Variants in MKNK1 observed in about 807,000 individuals in gnomAD.
MKNK1 encodes the protein MAPK interacting serine/threonine kinase 1, also known as MAP kinase-interacting serine/threonine-protein kinase 1.
In MKNK1, 30 loss-of-function variants were observed where a neutral mutation model predicts 49.3. The ratio of observed to expected loss-of-function variants is 0.61; its 90% CI spans 0.46 to 0.83. The LOEUF (loss-of-function observed/expected upper bound fraction) is 0.83, where lower values mean the gene tolerates loss of function less well. Ranked by LOEUF, MKNK1 falls within the 40% of genes least tolerant of loss-of-function variation. MKNK1 has a pLI of 0.00. For missense variants in MKNK1, 423 were observed against 524.7 expected, an observed-to-expected ratio of 0.81 and a Z score of 1.89; for synonymous variants, 176 against 201.7, an observed-to-expected ratio of 0.87 and a Z score of 1.08.
chr1:46,574,670 G>T, intron 6 of MKNK1: 1 of 358,422 alleles, frequency 2.8e-6, no homozygotes, highest in Non-Finnish European at 5.1e-6. Flanking sequence ...ATGTCAAAAC[G>T]GGATTGATAA....
Position 46,583,239 on chromosome 1 carries a change from C to T in MKNK1, c.89G>A (p.Gly30Glu). 1 of 1,613,890 alleles carries T rather than the reference C, an allele frequency of 6.2e-7. No homozygotes were observed. ...RRGRATDSLP[G>E]KFEDMYKLTS... ...GTTGTGTGACCAACCTTCAAACTTTCCTGGCAAGGAGTCAGTGGCCCGGCC... is the reference window on the plus strand; with the variant it reads ...GTTGTGTGACCAACCTTCAAACTTTTCTGGCAAGGAGTCAGTGGCCCGGCC... Residue 30 changes from glycine to glutamate, a missense_variant, in exon 3 of 13, where the codon GGA (glycine) becomes GAA (glutamate). Coordinates refer to ENST00000371945, the MANE Select transcript of MKNK1 (RefSeq NM_001135553.4).
chr1:46,602,637 G>T (rs185798809), intron 1 of MKNK1, among the ~76,000 whole-genome samples: 560 of 151,438 alleles, frequency 3.7e-3, no homozygotes, highest in Middle Eastern at 6.8e-3. Context: ...AAAACACTGA[G>T]ATTTTTTTGC....
chr1:46,571,014 A>G (rs1225159870), intron 7 of MKNK1, among the ~76,000 whole-genome samples: 1 of 152,248 alleles, frequency 6.6e-6, no homozygotes, highest in Non-Finnish European at 1.5e-5. Flanking sequence ...GAAAAGTGAA[A>G]CCAGAATTCA....
chr1:46,600,015 A>G (rs1674537162), intron 1 of MKNK1, among the ~76,000 whole-genome samples: 1 of 152,000 alleles, frequency 6.6e-6, no homozygotes, highest in East Asian at 1.9e-4. Flanking sequence ...ACACACCCCT[A>G]CACCTGAGCA....
At chr1:46,577,307 C>T (rs1487891865) in intron 4 of MKNK1, among the ~76,000 whole-genome samples, 7 of 151,980 alleles carry the variant, frequency 4.6e-5, no homozygotes, top group Non-Finnish European at 8.8e-5. Flanking sequence ...GGTGAAACCC[C>T]GTCTCTACTG....
chr1:46,558,758 G>T lies in MKNK1; in HGVS notation c.1056C>A (p.Ala352=). Reference sequence around the variant, plus strand: ...GAGATAGCTGGCGGTTAAGGGCGATGGCCTCAGCTGCGAAGAGCGTCAGGT... The same window carrying T: ...GAGATAGCTGGCGGTTAAGGGCGATTGCCTCAGCTGCGAAGAGCGTCAGGT... The part of the protein sequence containing the change: ...TMDLTLFAAE[A]IALNRQLSQH... The change falls in exon 13 of 13, where the codon GCC becomes GCA. Residue 352 remains alanine (A), a synonymous_variant. Coordinates refer to ENST00000371945, the MANE Select transcript of MKNK1 (RefSeq NM_001135553.4). 1 of 1,614,204 alleles carries T rather than the reference G, an allele frequency of 6.2e-7. No individual in the cohort carries two copies. Among genetic ancestry groups the T allele is most frequent in the East Asian group, 2.2e-5 (1 of 44,888 alleles).
chr1:46,562,571 G>C (rs1668211744), intron 10 of MKNK1, 78 bp downstream of exon 10: 2 of 1,463,316 alleles, frequency 1.4e-6, no homozygotes, highest in Non-Finnish European at 1.8e-6. Context: ...CGCTCTCCCA[G>C]CCCAGTCCTG....
chr1:46,585,785 A>T, intron 2 of MKNK1: 1 of 654,686 alleles, frequency 1.5e-6, no homozygotes, highest in Non-Finnish European at 2.7e-6. Context: ...GGGCTGAGGG[A>T]GCCGCTTGCA....
At chr1:46,584,277 T>C (rs1232026567) in intron 2 of MKNK1, among the ~76,000 whole-genome samples, 2 of 152,202 alleles carry the variant, frequency 1.3e-5, no homozygotes, top group African/African-American at 2.4e-5. Context: ...TTATAGAACA[T>C]GTCATGCCCC....
intron 1 of MKNK1, 30 bp downstream of exon 1, chr1:46,604,155 G>A (rs1377917279): frequency 1.3e-5 from 2 of 152,258 alleles, no homozygotes; most frequent in Non-Finnish European, 1.5e-5. Flanking sequence ...CATTTAGCTC[G>A]GAGGAATACC....
chr1:46,564,243 T>G (rs1668597124), intron 9 of MKNK1, among the ~76,000 whole-genome samples: 1 of 151,726 alleles, frequency 6.6e-6, no homozygotes, highest in African/African-American at 2.4e-5. Context: ...CCCATGTGCA[T>G]ATAGCCTGAG....
chr1:46,580,270 C>G (rs1443078040), intron 4 of MKNK1, among the ~76,000 whole-genome samples: 1 of 152,168 alleles, frequency 6.6e-6, no homozygotes, highest in Non-Finnish European at 1.5e-5. Context: ...AAGCACTTTA[C>G]CTATATTAAC....
chr1:46,575,036 T>C lies in MKNK1; in HGVS notation c.279-16A>G, dbSNP rs1043932401. The C allele has an allele frequency of 6.4e-7, 1 of 1,559,820 alleles. No individual in the cohort carries two copies. The highest frequency in any genetic ancestry group is 8.8e-7 in the Non-Finnish European group (1 of 1,133,668). ...CAAAATGTTCCTTAAATAGGGAAAA[T>C]AGGAGGAGAGGGAAAAGGGGGGAAA... On this transcript the variant is annotated splice_polypyrimidine_tract_variant and intron_variant, in intron 5 of 12. Transcript: ENST00000371945.
At chr1:46,597,451 T>C (rs1256317420) in intron 1 of MKNK1, among the ~76,000 whole-genome samples, 1 of 152,206 alleles carries the variant, frequency 6.6e-6, no homozygotes, top group Non-Finnish European at 1.5e-5. Flanking sequence ...TGTTACTTCC[T>C]TGCTCTAAAA....
intron 2 of MKNK1, 74 bp from the exon 3 acceptor site, chr1:46,583,403 A>G (rs1268851968): frequency 1.7e-6 from 2 of 1,185,618 alleles, no homozygotes; most frequent in Non-Finnish European, 2.4e-6. Flanking sequence ...GAAGGAAAAA[A>G]AAAAGGTAGT....
chr1:46,580,692 G>A, intron 3 of MKNK1, 65 bp from the exon 4 acceptor site: 1 of 1,149,028 alleles, frequency 8.7e-7, no homozygotes, highest in South Asian at 1.2e-5. Flanking sequence ...CAGATGGGAA[G>A]AACTTTTGTG....
chr1:46,580,421 T>G, intron 4 of MKNK1, 109 bp downstream of exon 4: 1 of 792,660 alleles, frequency 1.3e-6, no homozygotes, highest in Non-Finnish European at 2.2e-6. Flanking sequence ...ATCCAGTGAA[T>G]ACAGCTTCAG....
Position 46,583,200 on chromosome 1 carries a change from C to T in MKNK1, c.100+28G>A, listed in dbSNP as rs948164855. On this transcript the variant is annotated intron_variant, in intron 3 of 12. Coordinates refer to ENST00000371945, the MANE Select transcript of MKNK1 (RefSeq NM_001135553.4). Reference sequence around the variant, plus strand: ...CTCCCATGCTTGGGAAGCTGCAGGCCCAGATATAGGGAAGTTGTGTGACCA... The same window carrying T: ...CTCCCATGCTTGGGAAGCTGCAGGCTCAGATATAGGGAAGTTGTGTGACCA... 4 of 1,586,054 alleles carry T rather than the reference C, an allele frequency of 2.5e-6. No homozygotes were observed. The African/African-American group carries it at 5.4e-5, about 21-fold the overall frequency.
In MKNK1 at chr1:46,573,423, C is replaced by T. The variant is rs894105662; in HGVS notation, c.353-1256G>A. Reference sequence around the variant, plus strand: ...TGGGTGGTGCAGGGGCAGACACAGGCAGGAACATGTGGCTTGGCTTCATGT... The same window carrying T: ...TGGGTGGTGCAGGGGCAGACACAGGTAGGAACATGTGGCTTGGCTTCATGT... On this transcript the variant is annotated intron_variant, in intron 6 of 12. Transcript: ENST00000371945. Among the ~76,000 whole-genome samples, 8 of 152,216 alleles carry T rather than the reference C, an allele frequency of 5.3e-5. No homozygotes were observed. The East Asian group carries it at 1.3e-3, about 26-fold the overall frequency.
Sources: allele counts gnomAD v4.1 joint callset (sites outside exome capture counted in the v4.1 genomes callset), GRCh38; gene constraint gnomAD v4.1.1; transcripts MANE v1.5; gene names NCBI Gene and HGNC (gene_info 2026-07-23, HGNC 2026-07-21).